Variants in RARB observed in about 807,000 individuals in gnomAD.
RARB encodes the protein retinoic acid receptor beta.
Under a neutral mutation model 51.9 loss-of-function variants are expected in RARB, and 17 were observed. The ratio of observed to expected loss-of-function variants is 0.33; its 90% CI spans 0.22 to 0.49. The LOEUF is 0.49. Ranked by LOEUF, RARB falls within the 20% of genes least tolerant of loss-of-function variation. RARB has a pLI of 0.99. For missense variants in RARB, 369 were observed against 550.8 expected, an observed-to-expected ratio of 0.67 and a Z score of 3.30; for synonymous variants, 215 against 195.4, an observed-to-expected ratio of 1.10 and a Z score of -0.84.
chr3:24,897,386 GA>G (rs1234424364), intron 2 of RARB, among the ~76,000 whole-genome samples: 2 of 152,146 alleles, frequency 1.3e-5, no homozygotes, highest in Non-Finnish European at 2.9e-5. Flanking sequence ...TTCTTCAAAA[GA>G]AGTTTCTTTT....
intron 2 of RARB, among the ~76,000 whole-genome samples, chr3:24,948,601 A>G (rs765620853): frequency 2.0e-5 from 3 of 152,134 alleles, no homozygotes; most frequent in Non-Finnish European, 4.4e-5. Context: ...CCTATTCCCC[A>G]TGGAGAAGCT....
At chr3:25,101,233 T>G (rs1420314141) in intron 3 of RARB, among the ~76,000 whole-genome samples, 1 of 152,146 alleles carries the variant, frequency 6.6e-6, no homozygotes, top group Non-Finnish European at 1.5e-5. Context: ...AAAAGATGCT[T>G]GATGACCTAT....
At chr3:25,210,553 T>TGTTTTTTTTTTTTTTTTGA in intron 5 of RARB, among the ~76,000 whole-genome samples, 1 of 82,498 alleles carries the variant, frequency 1.2e-5, no homozygotes, top group Non-Finnish European at 2.4e-5. Context: ...TTTTTTTTTT[T>TGTTTTTTTTTTTTTTTTGA]GAGATTGAGT....
intron 5 of RARB, among the ~76,000 whole-genome samples, chr3:25,365,018 A>G (rs1185024488): frequency 2.0e-5 from 3 of 152,014 alleles, no homozygotes; most frequent in Non-Finnish European, 4.4e-5. Context: ...TAAGTTTTCA[A>G]TTGATGCTTT....
chr3:24,901,578 A>T (rs185059116), intron 2 of RARB, among the ~76,000 whole-genome samples: 2 of 152,346 alleles, frequency 1.3e-5, no homozygotes, highest in Admixed American at 1.3e-4. Flanking sequence ...CTATATCATT[A>T]TCAAAGCCTT....
At chr3:25,037,583 G>C (rs530987526) in intron 2 of RARB, among the ~76,000 whole-genome samples, 3 of 152,238 alleles carry the variant, frequency 2.0e-5, no homozygotes, top group African/African-American at 7.2e-5. Context: ...CAACAACAAG[G>C]ACTGGGACTT....
chr3:25,085,181 A>C (rs1363997126), intron 3 of RARB, among the ~76,000 whole-genome samples: 1 of 152,194 alleles, frequency 6.6e-6, no homozygotes, highest in Non-Finnish European at 1.5e-5. Context: ...GTTGGGATTT[A>C]TTCTTTGGCA....
chr3:25,119,262 G>A (rs1290977797), intron 3 of RARB, among the ~76,000 whole-genome samples: 1 of 152,128 alleles, frequency 6.6e-6, no homozygotes, highest in African/African-American at 2.4e-5. Flanking sequence ...TACTGGCAGT[G>A]AGCTGGTGAG....
intron 4 of RARB, among the ~76,000 whole-genome samples, chr3:25,132,996 A>G (rs896295506): frequency 1.3e-5 from 2 of 152,012 alleles, no homozygotes; most frequent in Non-Finnish European, 2.9e-5. Flanking sequence ...TATAAAGTAC[A>G]CCATTATTTT....
rs141688051 is a variant in RARB at position 25,494,780 on chromosome 3, T to G, written c.307-6402T>G. ...CCCAAGAGCCTATATTGTTTAGAGG[T>G]TGGACACTGTCCTATACTATTTGGG... On this transcript the variant is annotated intron_variant, in intron 2 of 7. Transcript: ENST00000330688. Among the ~76,000 whole-genome samples, 8 of 152,334 alleles carry G rather than the reference T, an allele frequency of 5.3e-5. 1 individual carries two copies. The South Asian group carries it at 1.7e-3, about 32-fold the overall frequency.
chr3:25,123,377 A>T (rs1408178053), intron 3 of RARB, among the ~76,000 whole-genome samples: 1 of 152,208 alleles, frequency 6.6e-6, no homozygotes, highest in Non-Finnish European at 1.5e-5. Context: ...TTTCCTCAAA[A>T]TCATAGTGGG....
intron 2 of RARB, among the ~76,000 whole-genome samples, chr3:24,961,696 A>G (rs1020978057): frequency 6.6e-6 from 1 of 152,194 alleles, no homozygotes; most frequent in Non-Finnish European, 1.5e-5. Flanking sequence ...AACTCAGAAC[A>G]GGGAATTAAT....
At chr3:25,196,640 C>A (rs981674192) in intron 5 of RARB, among the ~76,000 whole-genome samples, 2 of 152,094 alleles carry the variant, frequency 1.3e-5, no homozygotes, top group Admixed American at 1.3e-4. Flanking sequence ...CTTGAGGAAT[C>A]GCCACACTGT....
intron 5 of RARB, among the ~76,000 whole-genome samples, chr3:25,264,110 GAT>G (rs869030715): frequency 0.014 from 1,980 of 142,862 alleles, 41 homozygotes; most frequent in African/African-American, 0.046. Flanking sequence ...GGGCATTGTT[GAT>G]TTTTTTTTTT....
At chr3:25,163,504 A>AAAATATATATATATAT (rs1303712411) in intron 4 of RARB, among the ~76,000 whole-genome samples, 12 of 131,114 alleles carry the variant, frequency 9.2e-5, no homozygotes, top group African/African-American at 3.2e-4. Context: ...CCTATCTCAA[A>AAAATATATATATATAT]ATATATATAT....
chr3:25,377,125 G>A (rs541577820), intron 5 of RARB, among the ~76,000 whole-genome samples: 2 of 152,198 alleles, frequency 1.3e-5, no homozygotes, highest in East Asian at 1.9e-4. Context: ...GAAATAATGT[G>A]ACCTACAGAT....
chr3:25,385,990 T>C (rs1706783113), intron 5 of RARB, among the ~76,000 whole-genome samples: 1 of 152,162 alleles, frequency 6.6e-6, no homozygotes, highest in Non-Finnish European at 1.5e-5. Context: ...GGCATTTCCG[T>C]CAGTCCGTGA....
At chr3:25,048,752 C>CTTTTTTT (rs34598308) in intron 2 of RARB, among the ~76,000 whole-genome samples, 7 of 108,398 alleles carry the variant, frequency 6.5e-5, no homozygotes, top group East Asian at 5.5e-4. Flanking sequence ...ATTAAGCCCA[C>CTTTTTTT]TTTTTTTTTT....
intron 5 of RARB, chr3:25,352,333 C>T (rs1705598452): frequency 6.6e-6 from 1 of 152,162 alleles, no homozygotes; most frequent in Admixed American, 6.5e-5. Context: ...CAGGGCCAAC[C>T]CTGCTTAGCT....
Sources: allele counts gnomAD v4.1 joint callset (sites outside exome capture counted in the v4.1 genomes callset), GRCh38; gene constraint gnomAD v4.1.1; transcripts MANE v1.5; gene names NCBI Gene and HGNC (gene_info 2026-07-23, HGNC 2026-07-21).